The following ITIH5 variants were observed in gnomAD, a reference collection of about 807,000 sequenced individuals.
ITIH5 encodes the protein inter-alpha-trypsin inhibitor heavy chain 5.
In ITIH5, 65 loss-of-function variants were observed where a neutral mutation model predicts 77.5. The observed-to-expected ratio is 0.84, with a 90% CI of 0.69 to 1.03. The LOEUF (loss-of-function observed/expected upper bound fraction) is 1.03, where lower values mean the gene tolerates loss of function less well. ITIH5 is among the 50% of genes least tolerant of loss of function. The pLI, the probability that ITIH5 is intolerant of heterozygous loss-of-function variation, is 0.00. For synonymous variants in ITIH5, 525 were observed against 494.3 expected, an observed-to-expected ratio of 1.06 and a Z score of -0.82; for missense variants, 1,208 against 1,213.1, an observed-to-expected ratio of 1.00 and a Z score of 0.06.
At chr10:7,637,562 A>G (rs1833823057) in intron 4 of ITIH5, 84 bp from the exon 5 acceptor site, 1 of 1,397,918 alleles carries the variant, frequency 7.2e-7, no homozygotes, top group Non-Finnish European at 9.8e-7. Context: ...GGCACCAGCC[A>G]TACCCTCTCA....
intron 7 of ITIH5, among the ~76,000 whole-genome samples, chr10:7,607,471 C>T (rs1029955963): frequency 6.6e-6 from 1 of 152,134 alleles, no homozygotes. Flanking sequence ...CATAGTGAGA[C>T]CCTGTCTCTA....
chr10:7,566,471 G>C, intron 12 of ITIH5, 64 bp from the exon 13 acceptor site: 1 of 1,498,958 alleles, frequency 6.7e-7, no homozygotes. Flanking sequence ...GCTCACACCT[G>C]TAATCCCAGC....
At chr10:7,593,739 A>C (rs4497302) in intron 7 of ITIH5, among the ~76,000 whole-genome samples, 3,114 of 24,438 alleles carry the variant, frequency 0.13, 336 homozygotes, top group Middle Eastern at 0.32. Context: ...ACCCCTGCAG[A>C]CTGCAGCCAC....
At chr10:7,615,014 G>A (rs60791165) in intron 7 of ITIH5, among the ~76,000 whole-genome samples, 6,718 of 152,192 alleles carry the variant, frequency 0.044, 522 homozygotes, top group African/African-American at 0.15. Flanking sequence ...TTGGGAGGCC[G>A]AGACAGGTGG....
chr10:7,648,017 G>A (rs947051545), intron 2 of ITIH5, among the ~76,000 whole-genome samples: 1 of 151,954 alleles, frequency 6.6e-6, no homozygotes, highest in Non-Finnish European at 1.5e-5. Flanking sequence ...GCTGAAGCAG[G>A]TGGATCACGA....
intron 8 of ITIH5, among the ~76,000 whole-genome samples, chr10:7,583,748 A>C (rs1391235068): frequency 6.6e-6 from 1 of 151,938 alleles, no homozygotes; most frequent in Non-Finnish European, 1.5e-5. Context: ...CAAATCTCTC[A>C]CTCCACTTTA....
At chr10:7,612,465 G>A (rs1833266382) in intron 7 of ITIH5, among the ~76,000 whole-genome samples, 1 of 152,118 alleles carries the variant, frequency 6.6e-6, no homozygotes, top group Non-Finnish European at 1.5e-5. Context: ...ATGGCCATTA[G>A]AATCAGGTTT....
At chr10:7,625,285 G>C (rs1833557592) in intron 5 of ITIH5, among the ~76,000 whole-genome samples, 1 of 152,096 alleles carries the variant, frequency 6.6e-6, no homozygotes, top group East Asian at 1.9e-4. Context: ...ACTTACATGA[G>C]GTATGCAAAG....
chr10:7,574,129 T>G (rs1392406783), intron 10 of ITIH5, among the ~76,000 whole-genome samples: 2 of 152,236 alleles, frequency 1.3e-5, no homozygotes, highest in African/African-American at 4.8e-5. Flanking sequence ...ACTTTGTATT[T>G]CAAAGTACTG....
intron 13 of ITIH5, among the ~76,000 whole-genome samples, chr10:7,565,339 G>GT (rs1832127476): frequency 6.9e-6 from 1 of 144,048 alleles, no homozygotes; most frequent in Non-Finnish European, 1.5e-5. Flanking sequence ...CACATACAAA[G>GT]ATGGTATACA....
At chr10:7,625,114 C>T (rs954336192) in intron 5 of ITIH5, among the ~76,000 whole-genome samples, 1 of 151,524 alleles carries the variant, frequency 6.6e-6, no homozygotes, top group Admixed American at 6.6e-5. Flanking sequence ...GGCTAATAAC[C>T]GAGAAAAGCA....
In ITIH5 at chr10:7,579,824, A is replaced by C. The variant is rs760025969; in HGVS notation, c.1349T>G (p.Leu450Arg). 1.2e-6 allele frequency: 2 copies of C among 1,613,858 alleles called. No individual in the cohort carries two copies. Among genetic ancestry groups the C allele is most frequent in the Non-Finnish European group, 1.7e-6 (2 of 1,179,742 alleles). The change falls in exon 9 of 14, where the codon CTG (leucine) becomes CGG (arginine). Residue 450 changes from leucine (L) to arginine (R), a missense_variant. Leu to Arg is a moderately radical substitution (Grantham distance 102). Coordinates refer to ENST00000397146, the MANE Select transcript of ITIH5 (RefSeq NM_030569.7). Reference sequence around the variant, plus strand: ...TGTGAGGCCACAGTTCTCCAGCGACAGTTTCTCCAGCAGCCTGAAGTCCAC... The same window carrying C: ...TGTGAGGCCACAGTTCTCCAGCGACCGTTTCTCCAGCAGCCTGAAGTCCAC... The part of the protein sequence containing the change: ...NDVDFRLLEK[L>R]SLENCGLTRR...
At chr10:7,588,494 G>T (rs908828714) in intron 7 of ITIH5, among the ~76,000 whole-genome samples, 4 of 152,214 alleles carry the variant, frequency 2.6e-5, no homozygotes, top group Non-Finnish European at 5.9e-5. Flanking sequence ...CTCTGCCTGG[G>T]TGACAGAGTG....
intron 8 of ITIH5, among the ~76,000 whole-genome samples, chr10:7,580,710 G>A (rs777800738): frequency 1.3e-5 from 2 of 152,198 alleles, no homozygotes; most frequent in Non-Finnish European, 2.9e-5. Flanking sequence ...AAGAGCCGCA[G>A]AGGGGAGGAG....
chr10:7,597,191 C>G (rs17346945), intron 7 of ITIH5, among the ~76,000 whole-genome samples: 6,409 of 151,946 alleles, frequency 0.042, 186 homozygotes, highest in Non-Finnish European at 0.063. Flanking sequence ...ATGCCCAAGA[C>G]AAGCTGTAGT....
chr10:7,618,809 G>T (rs772529085), intron 5 of ITIH5: 1 of 152,296 alleles, frequency 6.6e-6, no homozygotes, highest in African/African-American at 2.4e-5. Flanking sequence ...TCTGCTGAGG[G>T]TTTATTAGAC....
chr10:7,661,038 T>A (rs1409697019), intron 1 of ITIH5, among the ~76,000 whole-genome samples: 1 of 152,224 alleles, frequency 6.6e-6, no homozygotes, highest in African/African-American at 2.4e-5. Flanking sequence ...CTCCAGGCAC[T>A]AGATTCTCAT....
rs183963576 is a variant in ITIH5 at position 7,619,636 on chromosome 10, G to C, written c.653-2354C>G. On this transcript the variant is annotated intron_variant, in intron 5 of 13. Transcript: ENST00000397146. ...ACTTACAATCACGCAGAAGGCAAAC[G>C]CAAAGCGAACACGTCTACAAGGCGG... is the stretch of plus-strand genomic sequence containing the variant. 2.7e-5 allele frequency: 10 copies of C among 369,602 alleles called. No individual in the cohort carries two copies. In the East Asian group the frequency reaches 4.2e-4, roughly 15 times the overall value. The allele number at this position is 369,602 out of a possible 1,614,324, so 22.9% of individuals were successfully genotyped here.
chr10:7,656,046 T>C (rs1244392486), intron 1 of ITIH5, among the ~76,000 whole-genome samples: 1 of 152,184 alleles, frequency 6.6e-6, no homozygotes, highest in Non-Finnish European at 1.5e-5. Flanking sequence ...ACTGTGTCTA[T>C]TACAGTAAGT....
Sources: gnomAD v4.1 joint callset for allele counts (sites outside exome capture counted in the v4.1 genomes callset) on GRCh38, gnomAD v4.1.1 for gene constraint, MANE v1.5 for transcripts, NCBI Gene and HGNC (gene_info 2026-07-23, HGNC 2026-07-21) for gene names.